Variants in COLEC11 observed in about 807,000 individuals in gnomAD.
The protein encoded by COLEC11 is collectin subfamily member 11.
A neutral mutation model predicts 27.3 loss-of-function variants in COLEC11; 20 were observed. That is an observed-to-expected ratio of 0.73 (90% confidence interval 0.51 to 1.06). COLEC11 has a LOEUF of 1.06. Ranked by LOEUF, COLEC11 falls within the 50% of genes least tolerant of loss-of-function variation. The pLI is 0.00. For missense variants in COLEC11, 310 were observed against 383.0 expected, an observed-to-expected ratio of 0.81 and a Z score of 1.59; for synonymous variants, 163 against 154.7, an observed-to-expected ratio of 1.05 and a Z score of -0.40.
chr2:3,613,334 A>C lies in COLEC11; in HGVS notation c.154A>C (p.Lys52Gln), dbSNP rs1161952348. The change falls in exon 3 of 7, where the codon AAA (lysine) becomes CAA (glutamine). Residue 52 changes from lysine (K) to glutamine (Q), a missense_variant. Lys to Gln is a moderately conservative substitution (Grantham distance 53, BLOSUM62 1). Coordinates refer to ENST00000349077, the MANE Select transcript of COLEC11 (RefSeq NM_024027.5). ...LKGDAGEKGD[K>Q]GAPGRPGRVG... is the part of the protein sequence containing the mutation. ...AGGGGATGCGGGAGAGAAGGGAGACAAAGGCGCCCCCGGACGGCCTGGAAG... is the reference window on the plus strand; with the variant it reads ...AGGGGATGCGGGAGAGAAGGGAGACCAAGGCGCCCCCGGACGGCCTGGAAG... 3.0e-5 allele frequency: 48 copies of C among 1,610,692 alleles called. No homozygotes were observed. The highest frequency in any genetic ancestry group is 1.6e-4 in the Middle Eastern group (1 of 6,080).
chr2:3,630,112 TGGA>T (rs1474199493), intron 3 of COLEC11, among the ~76,000 whole-genome samples: 14 of 124,006 alleles, frequency 1.1e-4, no homozygotes, highest in African/African-American at 4.1e-4. Flanking sequence ...TGTATGTATG[TGGA>T]GGTGAATGCA....
Position 3,644,140 on chromosome 2 carries a change from T to A in COLEC11, c.*22T>A, listed in dbSNP as rs114885075. The A allele has an allele frequency of 4.1e-5, 65 of 1,604,028 alleles. No individual in the cohort carries two copies. The South Asian group carries it at 5.5e-4, about 14-fold the overall frequency. ...GTGAGCCTCAGGCTGGGGCTGCCCA[T>A]TGGGGGCCCCACATGTCCCTGCAGG... is the stretch of plus-strand genomic sequence containing the variant. On this transcript the variant is annotated 3_prime_UTR_variant, in exon 7 of 7. Coordinates refer to ENST00000349077, the MANE Select transcript of COLEC11 (RefSeq NM_024027.5).
At chr2:3,619,623 G>T (rs1221401968) in intron 3 of COLEC11, among the ~76,000 whole-genome samples, 1 of 152,098 alleles carries the variant, frequency 6.6e-6, no homozygotes, top group African/African-American at 2.4e-5. Context: ...CTTGATCATG[G>T]TGTATAATAC....
At chr2:3,638,706 C>T (rs895874607) in intron 4 of COLEC11, among the ~76,000 whole-genome samples, 3 of 152,180 alleles carry the variant, frequency 2.0e-5, no homozygotes, top group Admixed American at 6.5e-5. Context: ...CTGGAAAACC[C>T]GTGAGAGGCA....
At chr2:3,627,540 C>G (rs971937371) in intron 3 of COLEC11, among the ~76,000 whole-genome samples, 10 of 149,734 alleles carry the variant, frequency 6.7e-5, no homozygotes, top group Non-Finnish European at 1.3e-4. Flanking sequence ...CATGATGATG[C>G]TGGGCATGAC....
intron 3 of COLEC11, among the ~76,000 whole-genome samples, chr2:3,627,145 A>G (rs1664614937): frequency 6.6e-6 from 1 of 152,138 alleles, no homozygotes. Flanking sequence ...ACCTGGAGAA[A>G]AACAGTGACC....
intron 5 of COLEC11, among the ~76,000 whole-genome samples, chr2:3,643,087 A>G (rs1665989542): frequency 6.6e-6 from 1 of 152,130 alleles, no homozygotes; most frequent in African/African-American, 2.4e-5. Flanking sequence ...CCTGCTGGCC[A>G]TCCCCACCAT....
Position 3,629,482 on chromosome 2 carries a change from A to G in COLEC11, c.203-8051A>G, listed in dbSNP as rs60428910. On this transcript the variant is annotated intron_variant, in intron 3 of 6. Transcript: ENST00000349077. ...TGTGAGGATAAAAGTAGGCTTATGT[A>G]CATGCACTCATGCACACACGTGCAC... Among the ~76,000 whole-genome samples, 1,296 of 152,332 alleles carry G rather than the reference A, an allele frequency of 8.5e-3. 12 individuals carry two copies. Among genetic ancestry groups the G allele is most frequent in the African/African-American group, 0.029 (1,187 of 41,564 alleles).
chr2:3,617,574 G>A (rs1558501081), intron 3 of COLEC11: 1 of 1,607,228 alleles, frequency 6.2e-7, no homozygotes, highest in Non-Finnish European at 8.5e-7. Context: ...TGCTTCTCCT[G>A]TTCAGTCGTT....
chr2:3,644,551 T>C lies in COLEC11; in HGVS notation c.*433T>C, dbSNP rs1441512728. Reference sequence around the variant, plus strand: ...CACTTCTGTAAATTACATTACAATATAGGTTCCTTCACACTATTATCCATG... The same window carrying C: ...CACTTCTGTAAATTACATTACAATACAGGTTCCTTCACACTATTATCCATG... On this transcript the variant is annotated 3_prime_UTR_variant, in exon 7 of 7. Coordinates refer to ENST00000349077, the MANE Select transcript of COLEC11 (RefSeq NM_024027.5). 9.1e-6 allele frequency: 4 copies of C among 438,062 alleles called. No homozygotes were observed. The highest frequency in any genetic ancestry group is 1.4e-5 in the Non-Finnish European group (3 of 220,892). The allele number at this position is 438,062 out of a possible 1,614,324, so 27.1% of individuals were successfully genotyped here.
intron 1 of COLEC11, among the ~76,000 whole-genome samples, chr2:3,596,365 C>T (rs1661839100): frequency 1.5e-5 from 2 of 132,232 alleles, no homozygotes; most frequent in African/African-American, 3.0e-5. Context: ...GAGATGGACT[C>T]TGGCTCTGTC....
chr2:3,596,337 A>ATTT (rs369478323), intron 1 of COLEC11, among the ~76,000 whole-genome samples: 22 of 132,762 alleles, frequency 1.7e-4, no homozygotes, highest in African/African-American at 2.3e-4. Flanking sequence ...TGTCTATTTC[A>ATTT]TTTTTTTTTT....
At chr2:3,605,761 C>T (rs1450911879) in intron 2 of COLEC11, 1 of 240,438 alleles carries the variant, frequency 4.2e-6, no homozygotes, top group Non-Finnish European at 8.2e-6. Flanking sequence ...TCAAAACAGT[C>T]ACCACGAAAG....
intron 2 of COLEC11, among the ~76,000 whole-genome samples, chr2:3,609,888 T>G (rs1663055467): frequency 6.6e-6 from 1 of 152,198 alleles, no homozygotes; most frequent in African/African-American, 2.4e-5. Context: ...GGTCTCAAAC[T>G]CCTGCCTTTA....
intron 3 of COLEC11, 110 bp from the exon 4 acceptor site, chr2:3,637,423 G>T: frequency 2.5e-6 from 2 of 795,462 alleles, no homozygotes; most frequent in Non-Finnish European, 4.5e-6. Context: ...TCTTCTATGT[G>T]CCTGTGATGT....
intron 1 of COLEC11, among the ~76,000 whole-genome samples, chr2:3,596,955 G>A (rs890717096): frequency 5.9e-5 from 9 of 152,234 alleles, no homozygotes; most frequent in South Asian, 2.1e-4. Context: ...AGAGCGCCCC[G>A]CTGCAGGGCC....
At chr2:3,615,889 C>T (rs368983629) in intron 3 of COLEC11, among the ~76,000 whole-genome samples, 22 of 96,162 alleles carry the variant, frequency 2.3e-4, no homozygotes, top group African/African-American at 7.3e-4. Context: ...GGCGGCTGGC[C>T]GGGCGGGGGC....
intron 3 of COLEC11, among the ~76,000 whole-genome samples, chr2:3,621,827 A>AC (rs1324309153): frequency 6.6e-6 from 1 of 151,314 alleles, no homozygotes; most frequent in African/African-American, 2.4e-5. Context: ...TTTTACACCC[A>AC]CCCCCCATTT....
chr2:3,626,445 AC>A (rs1337809307), intron 3 of COLEC11, among the ~76,000 whole-genome samples: 3 of 151,956 alleles, frequency 2.0e-5, no homozygotes, highest in Non-Finnish European at 4.4e-5. Flanking sequence ...GTGGGGATCT[AC>A]CTCCCATGAC....
Sources: allele counts gnomAD v4.1 joint callset (sites outside exome capture counted in the v4.1 genomes callset), GRCh38; gene constraint gnomAD v4.1.1; transcripts MANE v1.5; gene names NCBI Gene and HGNC (gene_info 2026-07-23, HGNC 2026-07-21).